The following MYH11 variants were observed in gnomAD, a reference collection of about 807,000 sequenced individuals.
The protein encoded by MYH11 is myosin-11.
Under a neutral mutation model 246.6 loss-of-function variants are expected in MYH11, and 80 were observed. The ratio of observed to expected loss-of-function variants is 0.32; its 90% CI spans 0.27 to 0.39. MYH11 has a LOEUF of 0.39. Ranked by LOEUF, MYH11 falls within the 10% of genes least tolerant of loss-of-function variation. MYH11 has a pLI of 1.00. For missense variants in MYH11, 2,158 were observed against 2,546.8 expected, an observed-to-expected ratio of 0.85 and a Z score of 3.29; for synonymous variants, 1,071 against 1,015.5, an observed-to-expected ratio of 1.05 and a Z score of -1.04.
intron 2 of MYH11, among the ~76,000 whole-genome samples, chr16:15,829,854 G>A (rs985487327): frequency 9.2e-5 from 14 of 152,196 alleles, no homozygotes; most frequent in Admixed American, 2.0e-4. Context: ...CACAGGGATG[G>A]CCGGGCGCAG....
At chr16:15,799,018 G>C (rs1033758961) in intron 3 of MYH11, among the ~76,000 whole-genome samples, 1 of 152,196 alleles carries the variant, frequency 6.6e-6, no homozygotes, top group African/African-American at 2.4e-5. Context: ...GCAGATGTTG[G>C]ATCTATACAG....
chr16:15,717,293 T>C lies in MYH11; in HGVS notation c.5351A>G (p.Glu1784Gly), dbSNP rs1321829406. ...ATERSTAQKN[E>G]SARQQLERQN... is the part of the protein sequence containing the mutation. ...CCGCTCGAGCTGCTGCCGGGCACTC[T>C]CATTCTTCTGGGCCGTGCTGCGCTC... Residue 1784 changes from glutamate (E) to glycine (G), a missense_variant, in exon 38 of 41, where the codon GAG (glutamate) becomes GGG (glycine). Glu to Gly is a moderately conservative substitution (Grantham distance 98). Transcript: ENST00000300036. 1.2e-6 allele frequency: 2 copies of C among 1,613,178 alleles called. No homozygotes were observed. The highest frequency in any genetic ancestry group is 1.7e-6 in the Non-Finnish European group (2 of 1,180,034).
At chr16:15,825,386 CAAAAAAAAAAA>C (rs1212947132) in intron 2 of MYH11, among the ~76,000 whole-genome samples, 2 of 60,998 alleles carry the variant, frequency 3.3e-5, no homozygotes, top group African/African-American at 9.7e-5. Context: ...CCCCTCTCTA[CAAAAAAAAAAA>C]AAAAAAAAAA....
intron 2 of MYH11, among the ~76,000 whole-genome samples, chr16:15,829,867 G>T (rs1369047391): frequency 6.6e-6 from 1 of 152,170 alleles, no homozygotes; most frequent in South Asian, 2.1e-4. Context: ...GGGCGCAGTG[G>T]CTCACACCTG....
rs149407531 is a variant in MYH11, at chr16:15,732,871, C to T, written c.3507-163G>A. On this transcript the variant is annotated intron_variant, in intron 26 of 40. Coordinates refer to ENST00000300036, the MANE Select transcript of MYH11 (RefSeq NM_002474.3). ...GGTCATTCACCTAACATCTCTGGACCTAAAATTTCCTCAGCTGCAAAATGT... is the reference window on the plus strand; with the variant it reads ...GGTCATTCACCTAACATCTCTGGACTTAAAATTTCCTCAGCTGCAAAATGT... The T allele has an allele frequency of 3.0e-3, 2,497 of 821,726 alleles. 6 individuals carry two copies. The highest frequency in any genetic ancestry group is 4.1e-3 in the Non-Finnish European group (2,085 of 512,416). 50.9% of individuals were successfully genotyped at this position (821,726 alleles called of 1,614,324 possible). A position where few individuals can be genotyped will look rare whatever the true frequency, so the allele number is the denominator to read the frequency against.
chr16:15,711,692 C>T (rs2039804615), intron 40 of MYH11, among the ~76,000 whole-genome samples: 1 of 152,170 alleles, frequency 6.6e-6, no homozygotes, highest in African/African-American at 2.4e-5. Context: ...CTGTCCTAGA[C>T]ACTGGAGATT....
chr16:15,828,234 C>T (rs1034281768), intron 2 of MYH11, among the ~76,000 whole-genome samples: 8 of 152,162 alleles, frequency 5.3e-5, no homozygotes, highest in African/African-American at 7.2e-5. Context: ...AGATGTGCTG[C>T]GAGATAATGC....
Position 15,746,856 on chromosome 16 carries a change from G to A in MYH11, c.2411+714C>T, listed in dbSNP as rs112823689. Among the ~76,000 whole-genome samples the A allele has an allele frequency of 3.5e-3, 528 of 152,306 alleles. 6 individuals are homozygous for A. The highest frequency in any genetic ancestry group is 0.017 in the Middle Eastern group (5 of 292). On this transcript the variant is annotated intron_variant, in intron 19 of 40. Transcript: ENST00000300036. ...TAATCCCAGCACTTTGGGAGGCCAAGGCAGGTGGATCACTTGAGACCAGGA... is the reference window on the plus strand; with the variant it reads ...TAATCCCAGCACTTTGGGAGGCCAAAGCAGGTGGATCACTTGAGACCAGGA...
chr16:15,825,253 T>TA (rs1239336543), intron 2 of MYH11, among the ~76,000 whole-genome samples: 1 of 151,838 alleles, frequency 6.6e-6, no homozygotes, highest in African/African-American at 2.4e-5. Flanking sequence ...TTTGAGGCTA[T>TA]AAAAATGCTC....
chr16:15,706,968 A>T (rs1375988976), intron 40 of MYH11, among the ~76,000 whole-genome samples: 7 of 152,296 alleles, frequency 4.6e-5, no homozygotes, highest in Middle Eastern at 3.4e-3. Flanking sequence ...ACCAAGGTTG[A>T]CACCAACTAT....
intron 11 of MYH11, 83 bp downstream of exon 11, chr16:15,760,457 A>G (rs1268661826): frequency 5.6e-6 from 6 of 1,071,142 alleles, no homozygotes; most frequent in Admixed American, 5.1e-5. Context: ...TAATGAATAC[A>G]TGAATGAGTG....
chr16:15,715,923 C>G (rs535523828), intron 38 of MYH11, among the ~76,000 whole-genome samples: 8 of 151,578 alleles, frequency 5.3e-5, no homozygotes, highest in African/African-American at 1.2e-4. Flanking sequence ...GTCAGGAGTT[C>G]GAGACCAGCC....
At position 15,741,821 on chromosome 16, in the gene MYH11, G is replaced by A. The variant is rs776100927; in HGVS notation, c.2591C>T (p.Thr864Ile). Residue 864 changes from threonine (T) to isoleucine (I), a missense_variant, in exon 21 of 41, where the codon ACC becomes ATC. This residue lies in a region of MYH11 where 90 missense variants were observed against 144.2 expected (regional missense o/e 0.62). Coordinates refer to ENST00000300036, the MANE Select transcript of MYH11 (RefSeq NM_002474.3). ...MQAKEDELQKTKERQQKAENE... is the reference protein window; with the variant it reads ...MQAKEDELQKIKERQQKAENE... ...CTCTGCCTTCTGCTGCCGCTCCTTG[G>A]TCTTCTGCAGTTCATCCTCCTTGGC... 6.2e-7 allele frequency: 1 copy of A among 1,614,146 alleles called. No individual in the cohort carries two copies. The highest frequency in any genetic ancestry group is 1.1e-5 in the South Asian group (1 of 91,084).
At chr16:15,730,879 A>G (rs1398729251) in intron 27 of MYH11, among the ~76,000 whole-genome samples, 3 of 152,190 alleles carry the variant, frequency 2.0e-5, no homozygotes, top group African/African-American at 7.2e-5. Context: ...TCCCACTCCC[A>G]TACACCGCAA....
At chr16:15,816,993 G>GTA (rs1251033791) in intron 3 of MYH11, among the ~76,000 whole-genome samples, 3 of 152,098 alleles carry the variant, frequency 2.0e-5, no homozygotes, top group Non-Finnish European at 2.9e-5. Flanking sequence ...ATATAGGACT[G>GTA]TATATATATG....
intron 7 of MYH11, 90 bp downstream of exon 7, chr16:15,778,690 A>G: frequency 8.1e-7 from 1 of 1,231,218 alleles, no homozygotes. Context: ...CTGGAAAGAT[A>G]GAGGTGGCTC....
rs764532365 is a variant in MYH11 at position 15,735,571 on chromosome 16, C to T, written c.3301G>A (p.Asp1101Asn). The T allele has an allele frequency of 1.5e-5, 24 of 1,614,174 alleles. No individual in the cohort carries two copies. The highest frequency in any genetic ancestry group is 2.2e-5 in the South Asian group (2 of 91,086). The change falls in exon 26 of 41, where the codon GAT (aspartate) becomes AAT (asparagine). Residue 1101 changes from aspartate to asparagine, a missense_variant. This residue lies in a region of MYH11 where 284 missense variants were observed against 315.4 expected (regional missense o/e 0.90). Transcript: ENST00000300036. Reference protein sequence around the residue: ...ELQAALARLDDEIAQKNNALK... With the variant: ...ELQAALARLDNEIAQKNNALK... ...GCATTGTTCTTCTGAGCGATTTCAT[C>T]GTCAAGCCTTCCAGGGAGAGACCCA...
At chr16:15,735,309 C>T (rs958509640) in intron 26 of MYH11, 57 bp downstream of exon 26, 3 of 1,589,842 alleles carry the variant, frequency 1.9e-6, no homozygotes, top group Non-Finnish European at 2.6e-6. Flanking sequence ...CCCTCTTCTG[C>T]CCCCATCCCA....
At chr16:15,736,640 C>T (rs1233069021) in intron 25 of MYH11, among the ~76,000 whole-genome samples, 1 of 152,192 alleles carries the variant, frequency 6.6e-6, no homozygotes, top group Non-Finnish European at 1.5e-5. Context: ...CACCGTAGCA[C>T]TGTCAACATA....
Sources: allele counts gnomAD v4.1 joint callset (sites outside exome capture counted in the v4.1 genomes callset), GRCh38; gene constraint gnomAD v4.1.1; regional missense constraint gnomAD v4.1.1; transcripts MANE v1.5; gene names NCBI Gene and HGNC (gene_info 2026-07-23, HGNC 2026-07-21).